The following TENM3 variants were observed in gnomAD, a reference collection of about 807,000 sequenced individuals.
The protein encoded by TENM3 is teneurin-3.
A neutral mutation model predicts 255.1 loss-of-function variants in TENM3; 63 were observed. The ratio of observed to expected loss-of-function variants is 0.25; its 90% CI spans 0.20 to 0.30. The LOEUF is 0.30. Among genes scored for constraint, TENM3 ranks in the 10% least tolerant of loss-of-function variants. TENM3 has a pLI of 1.00. For synonymous variants in TENM3, 1,306 were observed against 1,322.3 expected (o/e 0.99, Z 0.27); for missense variants, 2,929 against 3,461.1 (o/e 0.85, Z 3.86).
intron 1 of TENM3, among the ~76,000 whole-genome samples, chr4:182,219,278 G>T (rs2726813): frequency 0.62 from 93,537 of 151,958 alleles, 29,451 homozygotes; most frequent in Middle Eastern, 0.69. Flanking sequence ...TGAAGAGAGC[G>T]AAGTAATTGA....
At chr4:182,205,585 C>A (rs556928225) in intron 1 of TENM3, among the ~76,000 whole-genome samples, 26 of 152,354 alleles carry the variant, frequency 1.7e-4, no homozygotes, top group Middle Eastern at 3.4e-3. Context: ...TCCCCTGGGC[C>A]CCCCCAAATC....
intron 12 of TENM3, among the ~76,000 whole-genome samples, chr4:182,690,551 T>G (rs1228056324): frequency 1.3e-5 from 2 of 152,154 alleles, no homozygotes; most frequent in Admixed American, 1.3e-4. Flanking sequence ...AGAAATGAGT[T>G]GAGTCTAGCT....
chr4:181,694,359 C>T, the TENM3 span, among the ~76,000 whole-genome samples: 2 of 152,146 alleles, frequency 1.3e-5, no homozygotes, highest in Admixed American at 6.6e-5. Flanking sequence ...TACTGCCGCA[C>T]AAACCTTTAC....
At chr4:181,612,017 T>C in the TENM3 span, among the ~76,000 whole-genome samples, 1 of 152,254 alleles carries the variant, frequency 6.6e-6, no homozygotes, top group Admixed American at 6.5e-5. Flanking sequence ...AAGTTAATGG[T>C]AAGTGTGGCC....
the TENM3 span, among the ~76,000 whole-genome samples, chr4:182,017,202 C>A: frequency 4.6e-5 from 7 of 152,268 alleles, no homozygotes; most frequent in Non-Finnish European, 1.0e-4. Context: ...CCCATCCACA[C>A]CCTGCCCTCC....
the TENM3 span, among the ~76,000 whole-genome samples, chr4:181,961,565 G>A: frequency 5.5e-4 from 84 of 152,088 alleles, no homozygotes; most frequent in African/African-American, 1.8e-3. Context: ...GACTACAGGC[G>A]CCCGCCACCA....
chr4:182,570,707 G>A lies in TENM3; in HGVS notation c.512-30217G>A, dbSNP rs568516201. On this transcript the variant is annotated intron_variant, in intron 3 of 27. Transcript: ENST00000511685. ...AAATTAGCCAGGCGTCATGGCAGGC[G>A]CCTGTAGTCCAGCTACTTGGGAGGC... Among the ~76,000 whole-genome samples, 34 of 152,192 alleles carry A rather than the reference G, an allele frequency of 2.2e-4. 1 individual carries two copies. In the South Asian group the frequency reaches 5.2e-3, roughly 23 times the overall value.
At chr4:181,486,496 A>T in the TENM3 span, among the ~76,000 whole-genome samples, 5 of 152,228 alleles carry the variant, frequency 3.3e-5, no homozygotes, top group African/African-American at 1.2e-4. Context: ...AAAATTAGAT[A>T]TATAAAAAAG....
At chr4:182,705,446 A>T (rs1463139574) in intron 12 of TENM3, among the ~76,000 whole-genome samples, 3 of 152,200 alleles carry the variant, frequency 2.0e-5, no homozygotes, top group African/African-American at 4.8e-5. Flanking sequence ...CCCGGTGAAA[A>T]TATTATACGG....
intron 3 of TENM3, among the ~76,000 whole-genome samples, chr4:182,398,392 C>T (rs1047418943): frequency 6.6e-6 from 1 of 152,118 alleles, no homozygotes; most frequent in South Asian, 2.1e-4. Context: ...GAACAATTAC[C>T]ACAACTTTTT....
chr4:181,973,403 C>A, the TENM3 span, among the ~76,000 whole-genome samples: 3 of 152,060 alleles, frequency 2.0e-5, no homozygotes, highest in African/African-American at 7.2e-5. Context: ...GGACCCTGAG[C>A]AAAAGAACCA....
At chr4:181,744,486 A>C in the TENM3 span, among the ~76,000 whole-genome samples, 1 of 152,132 alleles carries the variant, frequency 6.6e-6, no homozygotes. Context: ...CCTCACCAGC[A>C]TCTGTTTTTT....
At chr4:181,632,882 A>C in the TENM3 span, among the ~76,000 whole-genome samples, 1 of 152,218 alleles carries the variant, frequency 6.6e-6, no homozygotes, top group African/African-American at 2.4e-5. Flanking sequence ...CTTCAGTAGA[A>C]TAAATCTTCA....
At chr4:182,612,680 A>T (rs1749127952) in intron 4 of TENM3, among the ~76,000 whole-genome samples, 1 of 152,184 alleles carries the variant, frequency 6.6e-6, no homozygotes, top group East Asian at 1.9e-4. Context: ...TGCTCCTTCT[A>T]ACCTTTGACA....
chr4:182,547,961 G>C (rs149019680), intron 3 of TENM3, among the ~76,000 whole-genome samples: 3 of 152,010 alleles, frequency 2.0e-5, no homozygotes, highest in African/African-American at 7.2e-5. Flanking sequence ...CTCGTGCCTC[G>C]AGTCCCAGCA....
chr4:182,586,624 T>C (rs1311762081), intron 3 of TENM3, among the ~76,000 whole-genome samples: 2 of 152,202 alleles, frequency 1.3e-5, no homozygotes, highest in African/African-American at 2.4e-5. Context: ...TGGTTTCCAC[T>C]TAACAGATCA....
At chr4:181,918,837 T>A in the TENM3 span, among the ~76,000 whole-genome samples, 1 of 152,120 alleles carries the variant, frequency 6.6e-6, no homozygotes, top group African/African-American at 2.4e-5. Flanking sequence ...AGAAAAAGTA[T>A]CAGAAATGGA....
chr4:181,622,272 C>T, the TENM3 span, among the ~76,000 whole-genome samples: 1 of 152,206 alleles, frequency 6.6e-6, no homozygotes, highest in African/African-American at 2.4e-5. Flanking sequence ...CCTTTCCTCT[C>T]ACCCTTGCAG....
At chr4:181,944,454 T>A in the TENM3 span, among the ~76,000 whole-genome samples, 11 of 151,800 alleles carry the variant, frequency 7.2e-5, no homozygotes, top group East Asian at 2.1e-3. Context: ...TTTCACTCAG[T>A]CCCCTCCATT....
Sources: allele counts gnomAD v4.1 joint callset (sites outside exome capture counted in the v4.1 genomes callset), GRCh38; gene constraint gnomAD v4.1.1; transcripts MANE v1.5; gene names NCBI Gene and HGNC (gene_info 2026-07-23, HGNC 2026-07-21).